The following GNB5 variants were observed in gnomAD, a reference collection of about 807,000 sequenced individuals.
The protein encoded by GNB5 is G protein subunit beta 5.
Under a neutral mutation model 55.3 loss-of-function variants are expected in GNB5, and 37 were observed. The ratio of observed to expected loss-of-function variants is 0.67; its 90% CI spans 0.51 to 0.88. The LOEUF is 0.88. Ranked by LOEUF, GNB5 falls within the 40% of genes least tolerant of loss-of-function variation. The pLI is 0.00. For missense variants in GNB5, 476 were observed against 515.3 expected (o/e 0.92, Z 0.74); for synonymous variants, 219 against 198.5 (o/e 1.10, Z -0.87).
rs1270491141 is a variant in GNB5 at position 52,116,671 on chromosome 15, G to C, written c.*6086C>G. On this transcript the variant is annotated 3_prime_UTR_variant, in exon 13 of 13. Coordinates refer to ENST00000261837, the MANE Select transcript of GNB5 (RefSeq NM_016194.4). ...AATAGAGCTGGGGAGGCCATGAAGA[G>C]GGGATTCTCATGCTTGTATGCCTAA... The C allele has an allele frequency of 6.6e-6, 1 of 152,134 alleles. No individual in the cohort carries two copies. The highest frequency in any genetic ancestry group is 1.5e-5 in the Non-Finnish European group (1 of 68,016). 9.4% of individuals were successfully genotyped at this position (152,134 alleles called of 1,614,324 possible). A position where few individuals can be genotyped will look rare whatever the true frequency, so the allele number is the denominator to read the frequency against.
At position 52,184,632 on chromosome 15, in the gene GNB5, G is replaced by C. The variant is rs561362292; in HGVS notation, c.45C>G (p.Asp15Glu). The C allele has an allele frequency of 1.4e-5, 23 of 1,612,772 alleles. No homozygotes were observed. The highest frequency in any genetic ancestry group is 1.8e-5 in the Non-Finnish European group (21 of 1,178,964). Residue 15 changes from aspartate to glutamate, a missense_variant, in exon 2 of 13, where the codon GAC (aspartate) becomes GAG (glutamate). Transcript: ENST00000261837. The part of the protein sequence containing the change: ...TFLVNVFGSC[D>E]KCFKQRALRP... ...TCAGAGCTCGTTGTTTGAAACATTT[G>C]TCACATGAGCCAAATACATTAACGA...
At chr15:52,160,064 C>T (rs147924497) in intron 3 of GNB5, among the ~76,000 whole-genome samples, 4,015 of 151,956 alleles carry the variant, frequency 0.026, 71 homozygotes, top group Middle Eastern at 0.051. Flanking sequence ...TCTCCTGTCT[C>T]AGCCTCCTGA....
intron 3 of GNB5, among the ~76,000 whole-genome samples, chr15:52,161,500 C>G (rs2034331822): frequency 1.3e-5 from 2 of 152,204 alleles, no homozygotes; most frequent in African/African-American, 4.8e-5. Flanking sequence ...GGGGTTCCAC[C>G]ATGTTGCCCA....
chr15:52,121,770 A>C lies in GNB5; in HGVS notation c.*987T>G, dbSNP rs2141178302. The C allele has an allele frequency of 6.6e-6, 1 of 151,884 alleles. No homozygotes were observed. Among genetic ancestry groups the C allele is most frequent in the African/African-American group, 2.4e-5 (1 of 41,428 alleles). 9.4% of individuals were successfully genotyped at this position (151,884 alleles called of 1,614,324 possible). A position where few individuals can be genotyped will look rare whatever the true frequency, so the allele number is the denominator to read the frequency against. On this transcript the variant is annotated 3_prime_UTR_variant, in exon 13 of 13. Coordinates refer to ENST00000261837, the MANE Select transcript of GNB5 (RefSeq NM_016194.4). ...AGGCGCCCGCCACCACGCCCGGCTA[A>C]TTTTTTGTATTTTTTAGTAGAGACA...
chr15:52,162,958 ATTC>A (rs1219285906), intron 3 of GNB5: 1 of 152,170 alleles, frequency 6.6e-6, no homozygotes, highest in East Asian at 1.9e-4. Flanking sequence ...TGGCGAGTGA[ATTC>A]TACACCTTCA....
At chr15:52,167,828 G>C (rs1345341111) in intron 3 of GNB5, among the ~76,000 whole-genome samples, 1 of 151,972 alleles carries the variant, frequency 6.6e-6, no homozygotes, top group Non-Finnish European at 1.5e-5. Flanking sequence ...TTCATCCCCA[G>C]GATGCAACAT....
intron 5 of GNB5, among the ~76,000 whole-genome samples, chr15:52,148,361 A>G (rs72734910): frequency 0.059 from 8,998 of 152,232 alleles, 371 homozygotes; most frequent in Non-Finnish European, 0.083. Context: ...GGTTGTGCTC[A>G]CGGATAATGA....
chr15:52,167,541 G>C (rs2141228772), intron 3 of GNB5, among the ~76,000 whole-genome samples: 1 of 152,100 alleles, frequency 6.6e-6, no homozygotes, highest in Non-Finnish European at 1.5e-5. Flanking sequence ...CGTGGTGGCA[G>C]GCGCCTGTAA....
intron 3 of GNB5, among the ~76,000 whole-genome samples, chr15:52,160,218 G>T (rs2034301984): frequency 6.6e-6 from 1 of 152,246 alleles, no homozygotes; most frequent in Non-Finnish European, 1.5e-5. Flanking sequence ...AAAGTGTTGG[G>T]ATTACAGGCA....
chr15:52,179,752 C>T lies in GNB5; in HGVS notation c.238+16G>A. On this transcript the variant is annotated intron_variant, in intron 3 of 12. Coordinates refer to ENST00000261837, the MANE Select transcript of GNB5 (RefSeq NM_016194.4). Reference sequence around the variant, plus strand: ...CCGGTCCGGCTTGCCCCGCCCGCCTCCCGGCCCGCACTCACGCTCCACATC... The same window carrying T: ...CCGGTCCGGCTTGCCCCGCCCGCCTTCCGGCCCGCACTCACGCTCCACATC... 5 of 1,445,262 alleles carry T rather than the reference C, an allele frequency of 3.5e-6. No homozygotes were observed. The highest frequency in any genetic ancestry group is 4.6e-6 in the Non-Finnish European group (5 of 1,092,616). The allele number at this position is 1,445,262 out of a possible 1,614,324, so 89.5% of individuals were successfully genotyped here.
chr15:52,149,502 A>C, intron 5 of GNB5: 2 of 495,988 alleles, frequency 4.0e-6, no homozygotes, highest in Non-Finnish European at 7.2e-6. Context: ...GTTCATTCCC[A>C]CAGGGCTATG....
At chr15:52,131,498 C>A (rs1255328950) in intron 9 of GNB5, among the ~76,000 whole-genome samples, 1 of 152,120 alleles carries the variant, frequency 6.6e-6, no homozygotes, top group Non-Finnish European at 1.5e-5. Context: ...GTCCTGGAAC[C>A]AATCTCCCAC....
intron 3 of GNB5, among the ~76,000 whole-genome samples, chr15:52,165,523 C>G (rs564452334): frequency 6.6e-6 from 1 of 152,150 alleles, no homozygotes; most frequent in Non-Finnish European, 1.5e-5. Context: ...CTTACAAGCC[C>G]GAAGAGAGTG....
intron 3 of GNB5, among the ~76,000 whole-genome samples, chr15:52,158,751 G>A (rs868043682): frequency 1.3e-5 from 2 of 150,900 alleles, no homozygotes; most frequent in East Asian, 1.9e-4. Context: ...AAACCCTTAC[G>A]CCATTCAGAT....
chr15:52,140,268 T>C (rs1158309830), intron 7 of GNB5: 1 of 159,784 alleles, frequency 6.3e-6, no homozygotes, highest in Non-Finnish European at 1.4e-5. Context: ...CAAACCAAAA[T>C]CTGACTCACC....
At chr15:52,179,962 C>T (rs2034737876) in intron 2 of GNB5, 83 bp from the exon 3 acceptor site, 3 of 1,399,004 alleles carry the variant, frequency 2.1e-6, no homozygotes, top group Admixed American at 5.9e-5. Flanking sequence ...GCAGCCGTCC[C>T]CGGCCCCGAG....
intron 9 of GNB5, among the ~76,000 whole-genome samples, chr15:52,132,958 C>T (rs72734906): frequency 0.025 from 3,747 of 152,132 alleles, 63 homozygotes; most frequent in Non-Finnish European, 0.04. Flanking sequence ...AATGACCCAT[C>T]CCATCTCCCT....
At chr15:52,158,938 A>G (rs915311477) in intron 3 of GNB5, among the ~76,000 whole-genome samples, 2 of 152,094 alleles carry the variant, frequency 1.3e-5, no homozygotes, top group Non-Finnish European at 2.9e-5. Context: ...GTGTGGACAC[A>G]AGAAGCTTCT....
intron 7 of GNB5, 27 bp downstream of exon 7, chr15:52,141,113 A>G (rs770550806): frequency 6.2e-7 from 1 of 1,612,662 alleles, no homozygotes; most frequent in Non-Finnish European, 8.5e-7. Context: ...TGGCAGGTCA[A>G]CCTGACACCG....
Sources: gnomAD v4.1 joint callset for allele counts (sites outside exome capture counted in the v4.1 genomes callset) on GRCh38, gnomAD v4.1.1 for gene constraint, MANE v1.5 for transcripts, NCBI Gene and HGNC (gene_info 2026-07-23, HGNC 2026-07-21) for gene names.